RBFOX1: variants seen among roughly 807,000 people sequenced by gnomAD.
RBFOX1 encodes RNA binding protein fox-1 homolog 1.
RBFOX1 carries 8 observed loss-of-function variants against 57.7 expected under a neutral mutation model. The observed-to-expected ratio is 0.14, with a 90% CI of 0.08 to 0.25. The LOEUF (loss-of-function observed/expected upper bound fraction) is 0.25. Among genes scored for constraint, RBFOX1 ranks in the 10% least tolerant of loss-of-function variants. The pLI is 1.00. For missense variants in RBFOX1, 611 were observed against 548.5 expected (o/e 1.11, Z -1.14); for synonymous variants, 326 against 222.4 (o/e 1.47, Z -4.15).
chr16:6,662,141 A>G (rs913346104), intron 3 of RBFOX1, among the ~76,000 whole-genome samples: 14 of 151,808 alleles, frequency 9.2e-5, no homozygotes, highest in Admixed American at 2.6e-4. Context: ...GCGGGGTGAA[A>G]AAAAAGGGAG....
chr16:7,655,133 C>T (rs1461867694), intron 12 of RBFOX1, among the ~76,000 whole-genome samples: 1 of 152,192 alleles, frequency 6.6e-6, no homozygotes, highest in Non-Finnish European at 1.5e-5. Context: ...ATCTATTATA[C>T]TCATGACAAA....
At chr16:6,392,424 C>G (rs1487690783) in intron 2 of RBFOX1, among the ~76,000 whole-genome samples, 1 of 152,028 alleles carries the variant, frequency 6.6e-6, no homozygotes, top group Non-Finnish European at 1.5e-5. Context: ...ATGAAGATAT[C>G]TAGAGGTAAC....
At chr16:6,923,693 C>A (rs2074977686) in intron 3 of RBFOX1, among the ~76,000 whole-genome samples, 1 of 152,062 alleles carries the variant, frequency 6.6e-6, no homozygotes, top group African/African-American at 2.4e-5. Flanking sequence ...CCCTTGACTG[C>A]CATTTTCTAG....
intron 1 of RBFOX1, 134 bp from the exon 2 acceptor site, chr16:6,316,861 C>A: frequency 1.6e-6 from 1 of 606,432 alleles, no homozygotes; most frequent in Non-Finnish European, 2.8e-6. Context: ...TCATCACCAT[C>A]ATTGCTGTTA....
chr16:7,609,759 A>G lies in RBFOX1; in HGVS notation c.676+2421A>G, dbSNP rs192828935. The stretch of plus-strand genomic sequence containing the variant: ...CAGATTTTGAAATCAGGCTTTGATC[A>G]TCTCAGAAATCGTGTTCTTTACAAC... On this transcript the variant is annotated intron_variant, in intron 10 of 15. Transcript: ENST00000550418. Among the ~76,000 whole-genome samples, 397 of 152,272 alleles carry G rather than the reference A, an allele frequency of 2.6e-3. 1 individual carries two copies. Among genetic ancestry groups the G allele is most frequent in the African/African-American group, 9.1e-3 (380 of 41,540 alleles).
At chr16:7,427,734 A>G (rs980352921) in intron 4 of RBFOX1, among the ~76,000 whole-genome samples, 1 of 151,580 alleles carries the variant, frequency 6.6e-6, no homozygotes, top group African/African-American at 2.4e-5. Context: ...CCTCACTGCA[A>G]ACTCCACCTC....
intron 3 of RBFOX1, among the ~76,000 whole-genome samples, chr16:5,617,072 C>G (rs571792298): frequency 1.3e-5 from 2 of 152,060 alleles, no homozygotes; most frequent in South Asian, 2.1e-4. Context: ...TCCCTCAGAT[C>G]TAGCCATCCA....
chr16:5,992,733 A>G (rs960743756), intron 4 of RBFOX1, among the ~76,000 whole-genome samples: 2 of 152,230 alleles, frequency 1.3e-5, no homozygotes, highest in African/African-American at 4.8e-5. Flanking sequence ...CAGTAGTTCA[A>G]GACCGGCCTG....
chr16:7,321,633 T>G (rs1344844889), intron 4 of RBFOX1, among the ~76,000 whole-genome samples: 10 of 152,184 alleles, frequency 6.6e-5, no homozygotes, highest in Non-Finnish European at 1.5e-5. Context: ...CCTTATAGGA[T>G]AGTTGTGAAG....
At chr16:6,073,959 C>A (rs1597024516) in intron 1 of RBFOX1, among the ~76,000 whole-genome samples, 1 of 151,984 alleles carries the variant, frequency 6.6e-6, no homozygotes, top group Non-Finnish European at 1.5e-5. Context: ...AGGTTCTTTT[C>A]TTTTTCTGAG....
chr16:7,079,459 A>T (rs2058821571), intron 4 of RBFOX1, among the ~76,000 whole-genome samples: 1 of 152,224 alleles, frequency 6.6e-6, no homozygotes, highest in African/African-American at 2.4e-5. Flanking sequence ...GCATTTTGTC[A>T]TGCAGCACAA....
At chr16:7,428,512 A>ATTATT (rs1471125842) in intron 4 of RBFOX1, among the ~76,000 whole-genome samples, 3 of 140,464 alleles carry the variant, frequency 2.1e-5, no homozygotes, top group Non-Finnish European at 4.5e-5. Flanking sequence ...TATTATTATT[A>ATTATT]TTATTATTAT....
At chr16:6,874,280 C>T (rs1375710923) in intron 3 of RBFOX1, among the ~76,000 whole-genome samples, 2 of 151,932 alleles carry the variant, frequency 1.3e-5, no homozygotes, top group African/African-American at 4.8e-5. Context: ...GAGGCTGAGG[C>T]AGGTGGATAA....
intron 3 of RBFOX1, among the ~76,000 whole-genome samples, chr16:6,804,569 G>C (rs1025450563): frequency 6.6e-6 from 1 of 152,148 alleles, no homozygotes; most frequent in Non-Finnish European, 1.5e-5. Context: ...TGTGGCTACT[G>C]TGGAAGCTAG....
At chr16:6,392,234 A>C (rs968109985) in intron 2 of RBFOX1, among the ~76,000 whole-genome samples, 1 of 152,200 alleles carries the variant, frequency 6.6e-6, no homozygotes, top group Non-Finnish European at 1.5e-5. Flanking sequence ...TAAGTATTTA[A>C]GATGTTCTCC....
At chr16:6,216,723 T>C (rs1198328645) in intron 1 of RBFOX1, among the ~76,000 whole-genome samples, 2 of 152,216 alleles carry the variant, frequency 1.3e-5, no homozygotes, top group Non-Finnish European at 2.9e-5. Flanking sequence ...ATCCCACTTT[T>C]GTTTGTCTCT....
At chr16:6,888,811 A>C (rs1332520751) in intron 3 of RBFOX1, among the ~76,000 whole-genome samples, 1 of 152,190 alleles carries the variant, frequency 6.6e-6, no homozygotes, top group Non-Finnish European at 1.5e-5. Context: ...GTTACCAAAC[A>C]TTAGATCTTA....
chr16:7,194,178 TG>T (rs2086120094), intron 4 of RBFOX1, among the ~76,000 whole-genome samples: 1 of 152,238 alleles, frequency 6.6e-6, no homozygotes, highest in Non-Finnish European at 1.5e-5. Context: ...TCTAATACTT[TG>T]TGATCTCTGT....
Position 6,247,018 on chromosome 16 carries a change from C to G in RBFOX1, c.-126-69977C>G, listed in dbSNP as rs181166956. 6.6e-5 allele frequency among the ~76,000 whole-genome samples: 10 copies of G among 152,220 alleles called. No homozygotes were observed. In the East Asian group the frequency reaches 1.9e-3, roughly 29 times the overall value. ...CCAGGAAGTAGAGGTTGTGGTGAGT[C>G]GAGATTGCACCATTTTACTCCAGCC... On this transcript the variant is annotated intron_variant, in intron 1 of 15. Transcript: ENST00000550418.
Sources: allele counts gnomAD v4.1 joint callset (sites outside exome capture counted in the v4.1 genomes callset), GRCh38; gene constraint gnomAD v4.1.1; transcripts MANE v1.5; gene names NCBI Gene and HGNC (gene_info 2026-07-23, HGNC 2026-07-21).